The following RFX3 variants were observed in gnomAD, a reference collection of about 807,000 sequenced individuals.
RFX3 encodes the protein transcription factor RFX3.
A neutral mutation model predicts 98.6 loss-of-function variants in RFX3; 14 were observed. The ratio of observed to expected loss-of-function variants is 0.14; its 90% CI spans 0.09 to 0.22. The LOEUF is 0.22. Ranked by LOEUF, RFX3 falls within the 10% of genes least tolerant of loss-of-function variation. The pLI, the probability that RFX3 is intolerant of heterozygous loss-of-function variation, is 1.00. For missense variants in RFX3, 639 were observed against 926.9 expected (o/e 0.69, Z 4.03); for synonymous variants, 383 against 328.4 (o/e 1.17, Z -1.80).
intron 14 of RFX3, among the ~76,000 whole-genome samples, chr9:3,255,635 G>A (rs1260132864): frequency 6.6e-6 from 1 of 152,184 alleles, no homozygotes; most frequent in Non-Finnish European, 1.5e-5. Flanking sequence ...CCCAACTTAT[G>A]GAAGAATTCC....
chr9:3,378,588 C>T (rs1007816979), intron 2 of RFX3, among the ~76,000 whole-genome samples: 2 of 132,406 alleles, frequency 1.5e-5, no homozygotes, highest in Admixed American at 8.3e-5. Flanking sequence ...TGGAGTTTCA[C>T]TCTTGTCACC....
intron 12 of RFX3, among the ~76,000 whole-genome samples, chr9:3,263,834 C>T (rs1220317664): frequency 1.3e-5 from 2 of 152,148 alleles, no homozygotes; most frequent in Admixed American, 6.6e-5. Flanking sequence ...ATAACAGGCA[C>T]TGGCAGGAGA....
intron 3 of RFX3, 48 bp downstream of exon 3, chr9:3,346,618 AT>A (rs760560249): frequency 2.5e-6 from 3 of 1,198,192 alleles, no homozygotes; most frequent in Non-Finnish European, 2.5e-6. Flanking sequence ...AAAGTACATT[AT>A]TTTTCTCTGA....
Position 3,248,309 on chromosome 9 carries a change from G to A in RFX3, c.1815-124C>T, listed in dbSNP as rs913786384. On this transcript the variant is annotated intron_variant, in intron 14 of 16. Coordinates refer to ENST00000617270, the MANE Select transcript of RFX3 (RefSeq NM_001282116.2). ...ATATGGTTGGTATAGTATAAAACCT[G>A]CCATGAAAGCATTTCATTATTGAAC... The A allele has an allele frequency of 3.4e-6, 4 of 1,191,346 alleles. No homozygotes were observed. In the African/African-American group the frequency reaches 4.6e-5, roughly 14 times the overall value. 73.8% of individuals were successfully genotyped at this position (1,191,346 alleles called of 1,614,324 possible).
chr9:3,354,719 T>G (rs1835545310), intron 2 of RFX3, among the ~76,000 whole-genome samples: 1 of 151,846 alleles, frequency 6.6e-6, no homozygotes, highest in South Asian at 2.1e-4. Flanking sequence ...TTCTTCAGAC[T>G]AAAGAAAAAG....
chr9:3,523,446 T>C (rs1254088955), intron 1 of RFX3, among the ~76,000 whole-genome samples: 2 of 152,170 alleles, frequency 1.3e-5, no homozygotes, highest in South Asian at 2.1e-4. Flanking sequence ...ATCCCACATA[T>C]ATGCTTCAAA....
chr9:3,350,615 G>A (rs968528496), intron 2 of RFX3, among the ~76,000 whole-genome samples: 2 of 152,182 alleles, frequency 1.3e-5, no homozygotes, highest in African/African-American at 2.4e-5. Flanking sequence ...AGGCAAACAC[G>A]TTTATAACAA....
rs1815972660 is a variant in RFX3 at position 3,501,298 on chromosome 9, T to G, written c.-9+24449A>C. ...CAGATTTTTCTTAATTTCATAATTT[T>G]TATCAAGAATTGTAAATTCTTTGAT... On this transcript the variant is annotated intron_variant, in intron 1 of 16. Coordinates refer to ENST00000617270, the MANE Select transcript of RFX3 (RefSeq NM_001282116.2). Among the ~76,000 whole-genome samples, 3 of 152,244 alleles carry G rather than the reference T, an allele frequency of 2.0e-5. No individual in the cohort carries two copies. In the South Asian group the frequency reaches 6.2e-4, roughly 32 times the overall value.
At chr9:3,359,420 G>A (rs1393274231) in intron 2 of RFX3, among the ~76,000 whole-genome samples, 1 of 152,022 alleles carries the variant, frequency 6.6e-6, no homozygotes, top group Non-Finnish European at 1.5e-5. Context: ...AAGGTGGATT[G>A]GAAAGCCATA....
intron 1 of RFX3, chr9:3,488,776 G>A (rs904227847): frequency 7.1e-6 from 7 of 984,932 alleles, no homozygotes; most frequent in East Asian, 1.1e-4. Context: ...GAGGACTTAC[G>A]CAGAACCACA....
In RFX3 at chr9:3,338,360, A is replaced by G. The variant is rs146543353; in HGVS notation, c.216-7843T>C. On this transcript the variant is annotated intron_variant, in intron 3 of 16. Transcript: ENST00000617270. ...GGAGGAAATGCAAGAATAAATGTTA[A>G]AAGTCAGTAATACTTCTTGTAATAA... Among the ~76,000 whole-genome samples the G allele has an allele frequency of 2.0e-5, 3 of 152,360 alleles. No individual in the cohort carries two copies. In the East Asian group the frequency reaches 5.8e-4, roughly 29 times the overall value.
intron 1 of RFX3, among the ~76,000 whole-genome samples, chr9:3,472,250 G>A (rs1298177764): frequency 1.3e-5 from 2 of 152,100 alleles, no homozygotes; most frequent in Non-Finnish European, 2.9e-5. Flanking sequence ...GTGTAAAGCA[G>A]TATTTAAAAG....
At chr9:3,452,335 A>C (rs1846721714) in intron 1 of RFX3, 1 of 316,734 alleles carries the variant, frequency 3.2e-6, no homozygotes, top group African/African-American at 2.2e-5. Flanking sequence ...TCATGCCTGT[A>C]ATCTCAGTGC....
chr9:3,357,643 C>T (rs943778197), intron 2 of RFX3, among the ~76,000 whole-genome samples: 1 of 151,796 alleles, frequency 6.6e-6, no homozygotes, highest in Non-Finnish European at 1.5e-5. Flanking sequence ...TACAAAAATA[C>T]AGTTAGATAA....
intron 4 of RFX3, among the ~76,000 whole-genome samples, chr9:3,307,229 C>T (rs1206097184): frequency 6.6e-6 from 1 of 152,002 alleles, no homozygotes; most frequent in Non-Finnish European, 1.5e-5. Context: ...TTTTCAGCAG[C>T]ATGAAAATGA....
intron 1 of RFX3, among the ~76,000 whole-genome samples, chr9:3,437,194 C>G (rs1845206673): frequency 6.6e-6 from 1 of 152,020 alleles, no homozygotes; most frequent in Non-Finnish European, 1.5e-5. Flanking sequence ...AGGGCTCCTG[C>G]TTGCAGAATT....
chr9:3,446,704 A>AT (rs1491441234), intron 1 of RFX3, among the ~76,000 whole-genome samples: 1 of 152,056 alleles, frequency 6.6e-6, no homozygotes, highest in African/African-American at 2.4e-5. Context: ...TGCCTGATCA[A>AT]TATGTTTGAT....
At chr9:3,312,106 T>G (rs1830028522) in intron 4 of RFX3, among the ~76,000 whole-genome samples, 1 of 152,124 alleles carries the variant, frequency 6.6e-6, no homozygotes, top group Non-Finnish European at 1.5e-5. Flanking sequence ...GAGTAGAAAA[T>G]AACCAGAGTT....
chr9:3,228,352 C>G (rs1193967431), intron 16 of RFX3, among the ~76,000 whole-genome samples: 1 of 152,120 alleles, frequency 6.6e-6, no homozygotes, highest in African/African-American at 2.4e-5. Context: ...ATTAAAATTT[C>G]AGAAGTACAT....
Sources: gnomAD v4.1 joint callset for allele counts (sites outside exome capture counted in the v4.1 genomes callset) on GRCh38, gnomAD v4.1.1 for gene constraint, MANE v1.5 for transcripts, NCBI Gene and HGNC (gene_info 2026-07-23, HGNC 2026-07-21) for gene names.